ARSB: variants seen among roughly 807,000 people sequenced by gnomAD.
The protein encoded by ARSB is N-acetylgalactosamine-4-sulfatase.
In ARSB, 41 loss-of-function variants were observed where a neutral mutation model predicts 50.9. The ratio of observed to expected loss-of-function variants is 0.81; its 90% CI spans 0.63 to 1.04. ARSB has a LOEUF of 1.04. ARSB is among the 50% of genes least tolerant of loss of function. The probability of loss-of-function intolerance (pLI) is 0.00; values close to 1 mark genes in which losing one functional copy is unlikely to be tolerated. For synonymous variants in ARSB, 269 were observed against 284.8 expected (o/e 0.94, Z 0.56); for missense variants, 672 against 693.3 (o/e 0.97, Z 0.35).
intron 6 of ARSB, among the ~76,000 whole-genome samples, chr5:78,796,529 C>A (rs116799492): frequency 0.023 from 3,537 of 152,306 alleles, 122 homozygotes; most frequent in African/African-American, 0.08. Context: ...TTGAAATTTT[C>A]TTCTTTCTAA....
intron 4 of ARSB, among the ~76,000 whole-genome samples, chr5:78,901,409 T>C (rs1452259836): frequency 1.3e-5 from 2 of 152,194 alleles, no homozygotes; most frequent in East Asian, 3.8e-4. Context: ...AGAAGAATTA[T>C]ACTATCCAAT....
At chr5:78,809,546 C>G (rs953717554) in intron 6 of ARSB, among the ~76,000 whole-genome samples, 1 of 152,258 alleles carries the variant, frequency 6.6e-6, no homozygotes, top group African/African-American at 2.4e-5. Context: ...AGGGCAGGAG[C>G]CAGGTCTGGC....
At chr5:78,817,821 C>A (rs190664725) in intron 6 of ARSB, among the ~76,000 whole-genome samples, 1 of 151,586 alleles carries the variant, frequency 6.6e-6, no homozygotes, top group African/African-American at 2.4e-5. Flanking sequence ...CCTCAAAAAA[C>A]CCAAAAAAAC....
intron 4 of ARSB, among the ~76,000 whole-genome samples, chr5:78,908,297 T>G (rs1191769535): frequency 6.6e-6 from 1 of 152,146 alleles, no homozygotes; most frequent in Non-Finnish European, 1.5e-5. Flanking sequence ...TCCACTCTCC[T>G]CTTGGTCTGC....
chr5:78,919,599 T>C (rs1749708180), intron 4 of ARSB, among the ~76,000 whole-genome samples: 1 of 152,122 alleles, frequency 6.6e-6, no homozygotes. Context: ...TTCAAGTGAT[T>C]CTCCAGCCTC....
At chr5:78,785,488 T>G (rs2112623959) in intron 6 of ARSB, among the ~76,000 whole-genome samples, 1 of 152,340 alleles carries the variant, frequency 6.6e-6, no homozygotes, top group African/African-American at 2.4e-5. Context: ...ACTGGATAAT[T>G]ATTTTGAAAA....
chr5:78,819,091 A>AG (rs1161073830), intron 6 of ARSB, among the ~76,000 whole-genome samples: 1 of 152,194 alleles, frequency 6.6e-6, no homozygotes, highest in Non-Finnish European at 1.5e-5. Context: ...GGTTTCAGGT[A>AG]GGTGCTTAAG....
At chr5:78,853,619 T>G (rs1341463573) in intron 5 of ARSB, among the ~76,000 whole-genome samples, 2 of 152,226 alleles carry the variant, frequency 1.3e-5, no homozygotes, top group African/African-American at 2.4e-5. Context: ...AGTCTGCAGA[T>G]GTTACTGATG....
chr5:78,926,892 T>C (rs1014469217), intron 4 of ARSB, among the ~76,000 whole-genome samples: 1 of 152,178 alleles, frequency 6.6e-6, no homozygotes, highest in African/African-American at 2.4e-5. Context: ...TTGAAATTAA[T>C]TTTTTTTGAG....
chr5:78,885,542 G>A (rs1462866869), intron 5 of ARSB, 42 bp downstream of exon 5: 8 of 1,606,664 alleles, frequency 5.0e-6, no homozygotes, highest in Non-Finnish European at 6.8e-6. Context: ...GGCTGCTCTT[G>A]GAGTTTCTGT....
At chr5:78,852,768 T>C (rs1285735927) in intron 5 of ARSB, among the ~76,000 whole-genome samples, 1 of 152,100 alleles carries the variant, frequency 6.6e-6, no homozygotes, top group Admixed American at 6.6e-5. Context: ...TTTTATTCTT[T>C]TTTCTCTAAA....
At chr5:78,929,167 G>C (rs759803666) in intron 4 of ARSB, among the ~76,000 whole-genome samples, 16 of 152,182 alleles carry the variant, frequency 1.1e-4, no homozygotes, top group Non-Finnish European at 2.2e-4. Context: ...ATGTGTAGCT[G>C]AATCTTGAAT....
intron 6 of ARSB, among the ~76,000 whole-genome samples, chr5:78,801,477 A>G (rs904678565): frequency 6.6e-6 from 1 of 152,220 alleles, no homozygotes; most frequent in Admixed American, 6.5e-5. Context: ...TTTTGGAGGA[A>G]GATGAATTGC....
chr5:78,861,481 C>A lies in ARSB; in HGVS notation c.1143-22055G>T, dbSNP rs555640809. Among the ~76,000 whole-genome samples the A allele has an allele frequency of 5.3e-5, 8 of 152,186 alleles. 1 individual carries two copies. Among genetic ancestry groups the A allele is most frequent in the Middle Eastern group, 6.8e-3 (2 of 294 alleles). On this transcript the variant is annotated intron_variant, in intron 5 of 7. Coordinates refer to ENST00000264914, the MANE Select transcript of ARSB (RefSeq NM_000046.5). ...ACATATGCAAATCAATGAACGTAATCCATCATATAAACAGAACCAAACACA... is the reference window on the plus strand; with the variant it reads ...ACATATGCAAATCAATGAACGTAATACATCATATAAACAGAACCAAACACA...
intron 6 of ARSB, among the ~76,000 whole-genome samples, chr5:78,800,570 C>T (rs1743349131): frequency 6.6e-6 from 1 of 152,094 alleles, no homozygotes; most frequent in Non-Finnish European, 1.5e-5. Context: ...GTTTAAGAAA[C>T]TGTATAAGGT....
intron 6 of ARSB, among the ~76,000 whole-genome samples, chr5:78,803,031 T>C (rs1024286520): frequency 2.0e-5 from 3 of 152,230 alleles, no homozygotes; most frequent in Admixed American, 1.3e-4. Context: ...GGGGACTGTT[T>C]GAAAACATGA....
chr5:78,888,739 G>A (rs1030658163), intron 4 of ARSB, among the ~76,000 whole-genome samples: 4 of 136,652 alleles, frequency 2.9e-5, no homozygotes, highest in South Asian at 2.4e-4. Context: ...AAAATTCTCC[G>A]GGTTGTACAG....
At chr5:78,936,324 A>G (rs1261612830) in intron 4 of ARSB, among the ~76,000 whole-genome samples, 1 of 151,254 alleles carries the variant, frequency 6.6e-6, no homozygotes, top group African/African-American at 2.4e-5. Flanking sequence ...AGGTTTTGCC[A>G]TGTTGGCCAG....
intron 4 of ARSB, among the ~76,000 whole-genome samples, chr5:78,922,386 A>C (rs899731867): frequency 6.6e-6 from 1 of 151,958 alleles, no homozygotes; most frequent in African/African-American, 2.4e-5. Flanking sequence ...CACCAGACAG[A>C]GTCCTGAGGT....
Sources: gnomAD v4.1 joint callset for allele counts (sites outside exome capture counted in the v4.1 genomes callset) on GRCh38, gnomAD v4.1.1 for gene constraint, MANE v1.5 for transcripts, NCBI Gene and HGNC (gene_info 2026-07-23, HGNC 2026-07-21) for gene names.